ERI2: variants seen among roughly 807,000 people sequenced by gnomAD.
ERI2 encodes the protein ERI1 exoribonuclease family member 2, also known as ERI1 exoribonuclease 2.
Under a neutral mutation model 46.8 loss-of-function variants are expected in ERI2, and 35 were observed. The ratio of observed to expected loss-of-function variants is 0.75; its 90% CI spans 0.57 to 0.99. ERI2 has a LOEUF of 0.99. Among genes scored for constraint, ERI2 ranks in the 50% least tolerant of loss-of-function variants. The pLI, the probability that ERI2 is intolerant of heterozygous loss-of-function variation, is 0.00. For synonymous variants in ERI2, 224 were observed against 271.0 expected, an observed-to-expected ratio of 0.83 and a Z score of 1.70; for missense variants, 695 against 796.2, an observed-to-expected ratio of 0.87 and a Z score of 1.53.
chr16:20,796,675 G>A lies in ERI2; in HGVS notation c.*1049C>T. 1.4e-6 allele frequency: 2 copies of A among 1,475,306 alleles called. No homozygotes were observed. Among genetic ancestry groups the A allele is most frequent in the African/African-American group, 1.4e-5 (1 of 69,974 alleles). 91.4% of individuals were successfully genotyped at this position (1,475,306 alleles called of 1,614,324 possible). ...TGAAACCCTGAACCTATTTTGTTTG[G>A]TCCTTTGGCTTACTGGACTCACAGT... On this transcript the variant is annotated 3_prime_UTR_variant, in exon 9 of 9. Transcript: ENST00000357967.
At chr16:20,804,731 A>C (rs538947949) in intron 1 of ERI2, among the ~76,000 whole-genome samples, 1 of 152,330 alleles carries the variant, frequency 6.6e-6, no homozygotes, top group South Asian at 2.1e-4. Context: ...CTTAAGTGCA[A>C]GTAAAACAAA....
chr16:20,790,588 T>G lies in ERI2; in HGVS notation c.815+262A>C. 1 of 1,613,064 alleles carries G rather than the reference T, an allele frequency of 6.2e-7. No homozygotes were observed. Among genetic ancestry groups the G allele is most frequent in the Non-Finnish European group, 8.5e-7 (1 of 1,179,012 alleles). On this transcript the variant is annotated intron_variant, in intron 9 of 10. Transcript: ENST00000300005. The surrounding 1 kb of genome is among the most constrained non-coding windows in gnomAD (Gnocchi z 4.0). ...ATAAATTGTTCTATTTTATCCTAGA[T>G]TGTAGATGTAAATGGCAATGTTCTA...
downstream of ERI2, among the ~76,000 whole-genome samples, chr16:20,795,063 C>T (rs1322529361): frequency 2.6e-5 from 4 of 152,144 alleles, no homozygotes; most frequent in Non-Finnish European, 4.4e-5. Context: ...GCTAGCATAA[C>T]TACAAATGCA....
At chr16:20,787,918 C>T (rs2080509466) in intron 10 of ERI2, among the ~76,000 whole-genome samples, 1 of 152,178 alleles carries the variant, frequency 6.6e-6, no homozygotes, top group African/African-American at 2.4e-5. Flanking sequence ...CCGACAACCC[C>T]TCACCACTTC....
chr16:20,786,255 T>C (rs2080473439), intron 10 of ERI2: 1 of 1,486,146 alleles, frequency 6.7e-7, no homozygotes, highest in Non-Finnish European at 9.0e-7. Flanking sequence ...GTTATGATGG[T>C]GATTCCATTT....
Position 20,796,781 on chromosome 16 carries a change from T to G in ERI2, c.*943A>C. 6.4e-7 allele frequency: 1 copy of G among 1,550,632 alleles called. No homozygotes were observed. Among genetic ancestry groups the G allele is most frequent in the South Asian group, 1.2e-5 (1 of 80,280 alleles). On this transcript the variant is annotated 3_prime_UTR_variant, in exon 9 of 9. Transcript: ENST00000357967. ...GTTACCCAAAACCCATTCCAAAGAC[T>G]ATTCTAATTCTTCCACCTAGAATTC...
chr16:20,783,034 G>T (rs2080387832), intron 10 of ERI2, among the ~76,000 whole-genome samples: 1 of 152,160 alleles, frequency 6.6e-6, no homozygotes, highest in African/African-American at 2.4e-5. Context: ...TCAATCTCCA[G>T]CTCCTCTCCT....
chr16:20,796,355 A>C lies in ERI2; in HGVS notation c.*1369T>G. 1 of 1,601,806 alleles carries C rather than the reference A, an allele frequency of 6.2e-7. No homozygotes were observed. Among genetic ancestry groups the C allele is most frequent in the Non-Finnish European group, 8.5e-7 (1 of 1,176,706 alleles). ...GCATAACTCATTTTCCTGGTGTTTCAAATATTTATTTTAGGTAGTAAAGGC... is the reference window on the plus strand; with the variant it reads ...GCATAACTCATTTTCCTGGTGTTTCCAATATTTATTTTAGGTAGTAAAGGC... On this transcript the variant is annotated 3_prime_UTR_variant, in exon 9 of 9. Coordinates refer to ENST00000357967, the MANE Select transcript of ERI2 (RefSeq NM_001142725.2).
chr16:20,791,390 T>C (rs1367223578), downstream of ERI2, among the ~76,000 whole-genome samples: 4 of 152,242 alleles, frequency 2.6e-5, no homozygotes, highest in Non-Finnish European at 5.9e-5. Flanking sequence ...GCATTATCTA[T>C]TAATCAATTA....
At chr16:20,781,723 C>T in intron 10 of ERI2, 2 of 1,612,816 alleles carry the variant, frequency 1.2e-6, no homozygotes, top group Non-Finnish European at 1.7e-6. Context: ...CTCCAAGTAC[C>T]CCATCACAGT....
chr16:20,786,724 C>T (rs531603816), intron 10 of ERI2, among the ~76,000 whole-genome samples: 1 of 152,170 alleles, frequency 6.6e-6, no homozygotes, highest in Non-Finnish European at 1.5e-5. Flanking sequence ...CAGAAGAAAC[C>T]CTATGAGAAG....
chr16:20,780,914 T>G (rs1194288314), intron 10 of ERI2: 5 of 1,612,880 alleles, frequency 3.1e-6, no homozygotes, highest in African/African-American at 1.3e-5. Context: ...TGATGACTTA[T>G]GTACTGGTCT....
chr16:20,785,112 C>A, intron 10 of ERI2: 1 of 1,612,588 alleles, frequency 6.2e-7, no homozygotes, highest in Non-Finnish European at 8.5e-7. Context: ...GAAACGGTAC[C>A]TGACCTCACT....
At chr16:20,794,221 G>A (rs891724994), downstream of ERI2, among the ~76,000 whole-genome samples, 2 of 152,176 alleles carry the variant, frequency 1.3e-5, no homozygotes, top group Non-Finnish European at 2.9e-5. Context: ...GCAAGTTCCA[G>A]AATTGATTAA....
intron 1 of ERI2, 59 bp downstream of exon 1, chr16:20,806,349 G>T (rs1294478303): frequency 1.9e-5 from 29 of 1,544,954 alleles, no homozygotes; most frequent in Middle Eastern, 3.5e-4. Context: ...CTGCTCTGCG[G>T]CCAACGCCAG....
rs1334391099 is a variant in ERI2 at position 20,796,555 on chromosome 16, C to A, written c.*1169G>T. 7 of 1,591,312 alleles carry A rather than the reference C, an allele frequency of 4.4e-6. No individual in the cohort carries two copies. The highest frequency in any genetic ancestry group is 1.1e-5 in the South Asian group (1 of 87,220). On this transcript the variant is annotated 3_prime_UTR_variant, in exon 9 of 9. Coordinates refer to ENST00000357967, the MANE Select transcript of ERI2 (RefSeq NM_001142725.2). Reference sequence around the variant, plus strand: ...GGACAATTTCAAGTGTTTATTTTTACATTTTAATGAATATTTTCTTCACAC... The same window carrying A: ...GGACAATTTCAAGTGTTTATTTTTAAATTTTAATGAATATTTTCTTCACAC...
chr16:20,804,335 T>G (rs1049926966), intron 1 of ERI2, among the ~76,000 whole-genome samples: 1 of 152,174 alleles, frequency 6.6e-6, no homozygotes, highest in Non-Finnish European at 1.5e-5. Flanking sequence ...ATGTAGGACA[T>G]GGTTCAGTCT....
chr16:20,789,689 T>TC, intron 9 of ERI2: 2 of 587,258 alleles, frequency 3.4e-6, no homozygotes, highest in Non-Finnish European at 2.9e-6. Context: ...TTTTTCTTTT[T>TC]TTTTTTTTTT....
chr16:20,798,918 T>A lies in ERI2; in HGVS notation c.882A>T (p.Gln294His). The A allele has an allele frequency of 1.3e-6, 2 of 1,551,182 alleles. No homozygotes were observed. Among genetic ancestry groups the A allele is most frequent in the East Asian group, 4.9e-5 (2 of 40,900 alleles). The change falls in exon 9 of 9, where the codon CAA becomes CAT. Residue 294 changes from glutamine to histidine, a missense_variant. By Grantham distance (24) the Gln-to-His change is conservative (BLOSUM62 0). Transcript: ENST00000357967. The part of the protein sequence containing the change: ...KNIINPHEKV[Q>H]MKSICANSPI... ...GAGAATTTGCACAAATTGACTTCAT[T>A]TGAACTTTTTCATGAGGATTTATTA...
Sources: gnomAD v4.1 joint callset for allele counts (sites outside exome capture counted in the v4.1 genomes callset) on GRCh38, gnomAD v4.1.1 for gene constraint, Gnocchi (gnomAD v3.1) non-coding constraint, MANE v1.5 for transcripts, NCBI Gene and HGNC (gene_info 2026-07-23, HGNC 2026-07-21) for gene names.